The following PPP2R1A variants were observed in gnomAD, a reference collection of about 807,000 sequenced individuals.
PPP2R1A encodes protein phosphatase 2 scaffold subunit Aalpha.
Under a neutral mutation model 67.1 loss-of-function variants are expected in PPP2R1A, and 15 were observed. The ratio of observed to expected loss-of-function variants is 0.22; its 90% CI spans 0.15 to 0.34. The LOEUF is 0.34. Ranked by LOEUF, PPP2R1A falls within the 10% of genes least tolerant of loss-of-function variation. PPP2R1A has a pLI of 1.00. For missense variants in PPP2R1A, 369 were observed against 775.0 expected, an observed-to-expected ratio of 0.48 and a Z score of 6.22; for synonymous variants, 337 against 325.0, an observed-to-expected ratio of 1.04 and a Z score of -0.40.
chr19:52,202,193 G>C (rs2089556285), intron 2 of PPP2R1A, among the ~76,000 whole-genome samples, 159 bp downstream of exon 2: 2 of 152,190 alleles, frequency 1.3e-5, no homozygotes, highest in South Asian at 4.1e-4. Context: ...GTGCAGTCTT[G>C]CTCTAAAAGA....
In PPP2R1A at chr19:52,215,869, G is replaced by T. The variant is rs531304664; in HGVS notation, c.898G>T (p.Ala300Ser). The T allele has an allele frequency of 2.5e-6, 4 of 1,613,916 alleles. No individual in the cohort carries two copies. Among genetic ancestry groups the T allele is most frequent in the Non-Finnish European group, 2.5e-6 (3 of 1,179,934 alleles). Residue 300 changes from alanine to serine, a missense_variant, in exon 7 of 15, where the codon GCC becomes TCC. Ala to Ser is a moderately conservative substitution (Grantham distance 99, BLOSUM62 1). Around this residue, in one of 2 missense-constraint regions of PPP2R1A, gnomAD observed 276 missense variants for 508.4 expected, o/e 0.54. Coordinates refer to ENST00000322088, the MANE Select transcript of PPP2R1A (RefSeq NM_014225.6). ...GAAAGACTGTGAGGCCGAGGTGAGG[G>T]CCGCAGCCTCCCACAAGGTCAAAGG... ...LMKDCEAEVR[A>S]AASHKVKEFC...
rs758513581 is a variant in PPP2R1A at position 52,213,092 on chromosome 19, G to A, written c.789G>A (p.Val263=). The A allele has an allele frequency of 6.3e-7, 1 of 1,581,438 alleles. No homozygotes were observed. The highest frequency in any genetic ancestry group is 1.2e-5 in the South Asian group (1 of 86,946). ...EDKSWRVRYM[V]ADKFTELQKA... ...AGTCCTGGCGCGTCCGCTACATGGT[G>A]GCTGACAAGTTCACAGAGGTAGATG... The change falls in exon 6 of 15, where the codon GTG becomes GTA. Residue 263 remains valine (V), a synonymous_variant. Coordinates refer to ENST00000322088, the MANE Select transcript of PPP2R1A (RefSeq NM_014225.6). The surrounding 1 kb of genome is among the most constrained non-coding windows in gnomAD (Gnocchi z 4.2).
In PPP2R1A at chr19:52,219,913, C is replaced by T. The variant is rs766855712; in HGVS notation, c.1302+49C>T. ...AGGCAGTGCTGCCTCAGGGGAGGTG[C>T]AGTATGTCCAGGGCTGTGATGGGGA... On this transcript the variant is annotated intron_variant, in intron 10 of 14. Transcript: ENST00000322088. This position sits in a 1 kb window ranked among gnomAD's most constrained non-coding sequence, Gnocchi z 4.0. 4.5e-6 allele frequency: 7 copies of T among 1,568,168 alleles called. No homozygotes were observed. The highest frequency in any genetic ancestry group is 6.0e-6 in the Non-Finnish European group (7 of 1,157,828).
chr19:52,201,750 A>G (rs1264617430), intron 1 of PPP2R1A, 194 bp from the exon 2 acceptor site: 6 of 570,816 alleles, frequency 1.1e-5, no homozygotes, highest in South Asian at 2.0e-5. Flanking sequence ...TGCTGCTGCC[A>G]CTACTATTGT....
rs1183827952 is a variant in PPP2R1A at position 52,216,674 on chromosome 19, C to T, written c.1128+11C>T. The T allele has an allele frequency of 6.2e-7, 1 of 1,614,128 alleles. No individual in the cohort carries two copies. The highest frequency in any genetic ancestry group is 1.7e-5 in the Admixed American group (1 of 60,012). Reference sequence around the variant, plus strand: ...CAGCTGAAGGATGAGGTAAGGGCACCAGGATCTCAGCTCTGGGTTTGTGGA... The same window carrying T: ...CAGCTGAAGGATGAGGTAAGGGCACTAGGATCTCAGCTCTGGGTTTGTGGA... On this transcript the variant is annotated intron_variant, in intron 9 of 14. Coordinates refer to ENST00000322088, the MANE Select transcript of PPP2R1A (RefSeq NM_014225.6). The surrounding 1 kb of genome is among the most constrained non-coding windows in gnomAD (Gnocchi z 4.3).
intron 13 of PPP2R1A, among the ~76,000 whole-genome samples, chr19:52,222,697 G>A (rs557170864): frequency 6.6e-6 from 1 of 152,322 alleles, no homozygotes; most frequent in East Asian, 1.9e-4. Context: ...CCAACATGGC[G>A]AAACCCCGTC....
At chr19:52,209,946 G>C (rs2089648607) in intron 3 of PPP2R1A, among the ~76,000 whole-genome samples, 1 of 152,184 alleles carries the variant, frequency 6.6e-6, no homozygotes, top group Admixed American at 6.5e-5. Flanking sequence ...GAGCTGGGGA[G>C]CACCTGCCCT....
chr19:52,198,724 T>C lies in PPP2R1A; in HGVS notation c.79-3220T>C, dbSNP rs149453919. 1.0e-3 allele frequency among the ~76,000 whole-genome samples: 156 copies of C among 152,314 alleles called. 1 individual carries two copies. The highest frequency in any genetic ancestry group is 3.6e-3 in the African/African-American group (149 of 41,570). ...CATTTTTGCCTAAATGACAGTATGA[T>C]ATTGAAATTGAGTCAGGCTGCCTGG... is the stretch of plus-strand genomic sequence containing the variant. On this transcript the variant is annotated intron_variant, in intron 1 of 14. Coordinates refer to ENST00000322088, the MANE Select transcript of PPP2R1A (RefSeq NM_014225.6).
chr19:52,216,406 C>A lies in PPP2R1A; in HGVS notation c.994-123C>A. 8 of 1,299,904 alleles carry A rather than the reference C, an allele frequency of 6.2e-6. No homozygotes were observed. The highest frequency in any genetic ancestry group is 2.5e-5 in the East Asian group (1 of 40,274). 80.5% of individuals were successfully genotyped at this position (1,299,904 alleles called of 1,614,324 possible). ...TGATTTCCCCTGTACCCTAAGCCAT[C>A]CCCTGCTCTATGAATGAGAGGGGCA... On this transcript the variant is annotated intron_variant, in intron 8 of 14. Coordinates refer to ENST00000322088, the MANE Select transcript of PPP2R1A (RefSeq NM_014225.6). The surrounding 1 kb of genome is among the most constrained non-coding windows in gnomAD (Gnocchi z 4.3).
rs1568597479 is a variant in PPP2R1A, at chr19:52,219,020, T to C, written c.1129-671T>C. ...TTGACTCTCACCAGAATTTATAAACTTGTCTAAATGAAAAAGGCTACCTTT... is the reference window on the plus strand; with the variant it reads ...TTGACTCTCACCAGAATTTATAAACCTGTCTAAATGAAAAAGGCTACCTTT... On this transcript the variant is annotated intron_variant, in intron 9 of 14. Transcript: ENST00000322088. This position sits in a 1 kb window ranked among gnomAD's most constrained non-coding sequence, Gnocchi z 4.0. Among the ~76,000 whole-genome samples, 1 of 152,244 alleles carries C rather than the reference T, an allele frequency of 6.6e-6. No individual in the cohort carries two copies.
Position 52,201,980 on chromosome 19 carries a change from G to T in PPP2R1A, c.115G>T (p.Ala39Ser). Residue 39 changes from alanine (A) to serine (S), a missense_variant, in exon 2 of 15, where the codon GCC becomes TCC. By Grantham distance (99) the Ala-to-Ser change is moderately conservative. Coordinates refer to ENST00000322088, the MANE Select transcript of PPP2R1A (RefSeq NM_014225.6). ...LNSIKKLSTI[A>S]LALGVERTRS... ...CAGCATCAAGAAGCTGTCCACCATC[G>T]CCTTGGCCCTTGGGGTTGAAAGGAC... is the stretch of plus-strand genomic sequence containing the variant. 6.2e-7 allele frequency: 1 copy of T among 1,614,124 alleles called. No homozygotes were observed. The highest frequency in any genetic ancestry group is 8.5e-7 in the Non-Finnish European group (1 of 1,180,030).
chr19:52,206,132 C>T (rs1483166430), intron 3 of PPP2R1A, 69 bp downstream of exon 3: 1 of 1,416,964 alleles, frequency 7.1e-7, no homozygotes, highest in Non-Finnish European at 9.9e-7. Context: ...CGGCCTAGGG[C>T]AGGGAGGGGA....
intron 13 of PPP2R1A, among the ~76,000 whole-genome samples, chr19:52,223,886 A>C (rs541996709): frequency 2.6e-4 from 39 of 152,316 alleles, no homozygotes; most frequent in African/African-American, 9.1e-4. Flanking sequence ...ATCCAGGAGA[A>C]ATGAGTGCTG....
rs1032811469 is a variant in PPP2R1A at position 52,212,062 on chromosome 19, A to G, written c.503+570A>G. Among the ~76,000 whole-genome samples the G allele has an allele frequency of 4.6e-5, 7 of 152,168 alleles. No individual in the cohort carries two copies. Among genetic ancestry groups the G allele is most frequent in the African/African-American group, 1.4e-4 (6 of 41,426 alleles). Reference sequence around the variant, plus strand: ...AAATAAAGCCTTTCTGTGGCTCTAGACCTGCCTCTTAGTTAAGCAGTTTTT... The same window carrying G: ...AAATAAAGCCTTTCTGTGGCTCTAGGCCTGCCTCTTAGTTAAGCAGTTTTT... On this transcript the variant is annotated intron_variant, in intron 4 of 14. Coordinates refer to ENST00000322088, the MANE Select transcript of PPP2R1A (RefSeq NM_014225.6). This position sits in a 1 kb window ranked among gnomAD's most constrained non-coding sequence, Gnocchi z 4.1.
At chr19:52,206,181 G>C in intron 3 of PPP2R1A, 118 bp downstream of exon 3, 1 of 805,866 alleles carries the variant, frequency 1.2e-6, no homozygotes. Flanking sequence ...AGAACAGCCG[G>C]GCCATGGACA....
At position 52,197,009 on chromosome 19, in the gene PPP2R1A, T is replaced by C. The variant is rs146553220; in HGVS notation, c.79-4935T>C. Among the ~76,000 whole-genome samples the C allele has an allele frequency of 2.7e-3, 412 of 152,300 alleles. 2 individuals carry two copies. The highest frequency in any genetic ancestry group is 0.019 in the South Asian group (90 of 4,832). Reference sequence around the variant, plus strand: ...TCAGAAATGTCTTTTCCAGGGGTCATGTGTACAGCTGAAAACCAAGGATTA... The same window carrying C: ...TCAGAAATGTCTTTTCCAGGGGTCACGTGTACAGCTGAAAACCAAGGATTA... On this transcript the variant is annotated intron_variant, in intron 1 of 14. Transcript: ENST00000322088.
rs772700893 is a variant in PPP2R1A, at chr19:52,215,759, C to CTCCT, written c.808-19_808-16dup. On this transcript the variant is annotated intron_variant, in intron 6 of 14. Transcript: ENST00000322088. ...ACTGCCAGCCCCTCTCACTCTCCCC[C>CTCCT]TCCTCCTTCCTGTCTGCAGCTCCAG... The CTCCT allele has an allele frequency of 2.5e-6, 4 of 1,605,850 alleles. No individual in the cohort carries two copies. In the East Asian group the frequency reaches 8.9e-5, roughly 36 times the overall value.
At position 52,212,578 on chromosome 19, in the gene PPP2R1A, G is replaced by C; in HGVS notation, c.504-108G>C. 1.5e-6 allele frequency: 2 copies of C among 1,365,598 alleles called. No homozygotes were observed. The highest frequency in any genetic ancestry group is 2.7e-5 in the South Asian group (2 of 75,096). The allele number at this position is 1,365,598 out of a possible 1,614,324, so 84.6% of individuals were successfully genotyped here. ...GAAGACAGAGAGGGGGTCATCACTT[G>C]CCCAAGGTCATTCAGCTAAAACCTG... is the stretch of plus-strand genomic sequence containing the variant. On this transcript the variant is annotated intron_variant, in intron 4 of 14. Transcript: ENST00000322088. The surrounding 1 kb of genome is among the most constrained non-coding windows in gnomAD (Gnocchi z 4.1).
intron 9 of PPP2R1A, among the ~76,000 whole-genome samples, chr19:52,217,201 T>C (rs572156064): frequency 9.0e-4 from 135 of 150,152 alleles, no homozygotes; most frequent in Non-Finnish European, 1.6e-3. Flanking sequence ...AAAAAAAAAT[T>C]ATTTATTTAT....
Sources: gnomAD v4.1 joint callset for allele counts (sites outside exome capture counted in the v4.1 genomes callset) on GRCh38, gnomAD v4.1.1 for gene constraint, gnomAD v4.1.1 regional missense constraint, Gnocchi (gnomAD v3.1) non-coding constraint, MANE v1.5 for transcripts, NCBI Gene and HGNC (gene_info 2026-07-23, HGNC 2026-07-21) for gene names.